The following BCAS3 variants were observed in gnomAD, a reference collection of about 807,000 sequenced individuals.
The protein encoded by BCAS3 is BCAS3 microtubule associated cell migration factor.
Under a neutral mutation model 116.1 loss-of-function variants are expected in BCAS3, and 53 were observed. That is an observed-to-expected ratio of 0.46 (90% CI 0.37 to 0.57). The LOEUF (loss-of-function observed/expected upper bound fraction) is 0.57. Among genes scored for constraint, BCAS3 ranks in the 20% least tolerant of loss-of-function variants. The pLI, the probability that BCAS3 is intolerant of heterozygous loss-of-function variation, is 0.00. For synonymous variants in BCAS3, 391 were observed against 408.2 expected (o/e 0.96, Z 0.51); for missense variants, 917 against 1,165.4 (o/e 0.79, Z 3.10).
At chr17:60,983,772 T>C (rs1006596515) in intron 14 of BCAS3, among the ~76,000 whole-genome samples, 2 of 152,216 alleles carry the variant, frequency 1.3e-5, no homozygotes, top group Non-Finnish European at 2.9e-5. Flanking sequence ...GAACATAAAT[T>C]GCTCAATGAT....
Position 60,802,299 on chromosome 17 carries a change from T to A in BCAS3, c.404-5705T>A, listed in dbSNP as rs866127803. On this transcript the variant is annotated intron_variant, in intron 6 of 23. Transcript: ENST00000407086. ...ACTCTGTCTCAAAAAAAAAAAAATA[T>A]ATATATATATATATATATGCACACA... 8.3e-3 allele frequency among the ~76,000 whole-genome samples: 1,039 copies of A among 125,772 alleles called. 3 individuals carry two copies. Among genetic ancestry groups the A allele is most frequent in the East Asian group, 0.016 (79 of 4,900 alleles). 82.5% of individuals were successfully genotyped at this position (125,772 alleles called of 152,430 possible). A position where few individuals can be genotyped will look rare whatever the true frequency, so the allele number is the denominator to read the frequency against.
chr17:61,335,446 A>G (rs2056644814), intron 22 of BCAS3, among the ~76,000 whole-genome samples: 1 of 152,192 alleles, frequency 6.6e-6, no homozygotes, highest in African/African-American at 2.4e-5. Flanking sequence ...CTCAGCAATG[A>G]CGCCAAGATG....
At chr17:61,169,638 CAGAA>C (rs1294634282) in intron 22 of BCAS3, among the ~76,000 whole-genome samples, 2 of 152,106 alleles carry the variant, frequency 1.3e-5, no homozygotes, top group East Asian at 1.9e-4. Context: ...TATAAATAAA[CAGAA>C]AGTCAGAAAA....
chr17:61,044,243 C>T (rs1405681282), intron 19 of BCAS3, among the ~76,000 whole-genome samples: 5 of 151,550 alleles, frequency 3.3e-5, no homozygotes, highest in African/African-American at 9.7e-5. Context: ...TTCAGGAGAT[C>T]GAGACCATCC....
At chr17:61,255,717 C>T (rs534753746) in intron 22 of BCAS3, among the ~76,000 whole-genome samples, 15 of 152,314 alleles carry the variant, frequency 9.8e-5, no homozygotes, top group African/African-American at 3.6e-4. Context: ...TTCATTTGAC[C>T]ACACTGTGCA....
Position 61,105,446 on chromosome 17 carries a change from C to T in BCAS3, c.2425+20882C>T, listed in dbSNP as rs994717421. On this transcript the variant is annotated intron_variant, in intron 22 of 23. Coordinates refer to ENST00000407086, the MANE Select transcript of BCAS3 (RefSeq NM_017679.5). This position sits in a 1 kb window ranked among gnomAD's most constrained non-coding sequence, Gnocchi z 4.3. ...CAGAATTTTTTTTATTTTTTTGAGA[C>T]AGAGTTTCGCTCTTGTTGCCCAGGC... Among the ~76,000 whole-genome samples, 1 of 152,062 alleles carries T rather than the reference C, an allele frequency of 6.6e-6. No individual in the cohort carries two copies. The highest frequency in any genetic ancestry group is 2.4e-5 in the African/African-American group (1 of 41,412).
At chr17:61,069,439 C>T (rs1332215384) in intron 19 of BCAS3, among the ~76,000 whole-genome samples, 1 of 152,162 alleles carries the variant, frequency 6.6e-6, no homozygotes, top group Non-Finnish European at 1.5e-5. Context: ...GTTGAGTGCA[C>T]AGATTTTTAA....
chr17:61,368,874 G>A lies in BCAS3; in HGVS notation c.2593+380G>A, dbSNP rs1349418158. ...ACTTAGAGATTGGCAAGTCTCAGTA[G>A]GGCCTGCCAACCTGAGCGGAGTAAG... On this transcript the variant is annotated intron_variant, in intron 23 of 23. Transcript: ENST00000407086. This position sits in a 1 kb window ranked among gnomAD's most constrained non-coding sequence, Gnocchi z 6.0. Among the ~76,000 whole-genome samples the A allele has an allele frequency of 6.6e-6, 1 of 152,196 alleles. No homozygotes were observed. The highest frequency in any genetic ancestry group is 2.4e-5 in the African/African-American group (1 of 41,462).
At chr17:60,785,152 A>G (rs1459591587) in intron 6 of BCAS3, among the ~76,000 whole-genome samples, 1 of 152,052 alleles carries the variant, frequency 6.6e-6, no homozygotes, top group Non-Finnish European at 1.5e-5. Flanking sequence ...AGGAGTTTTT[A>G]CTTTTTTTCT....
intron 22 of BCAS3, among the ~76,000 whole-genome samples, chr17:61,166,566 T>C (rs1389918156): frequency 6.6e-6 from 1 of 151,876 alleles, no homozygotes; most frequent in Non-Finnish European, 1.5e-5. Flanking sequence ...CCTGGCTGAT[T>C]TTTGTGTTTT....
chr17:60,868,690 A>AT lies in BCAS3; in HGVS notation c.584+13dup, dbSNP rs2054844443. 1 of 1,535,928 alleles carries AT rather than the reference A, an allele frequency of 6.5e-7. No individual in the cohort carries two copies. ...ATCTCCATTGCAATAAACGGTAAGG[A>AT]TTTTTTCATGGGTTTCTTGTGTAAA... On this transcript the variant is annotated splice_region_variant and intron_variant, in intron 8 of 23. Coordinates refer to ENST00000407086, the MANE Select transcript of BCAS3 (RefSeq NM_017679.5).
rs560524255 is a variant in BCAS3, at chr17:61,285,857, C to T, written c.2426-82470C>T. Among the ~76,000 whole-genome samples, 57 of 152,212 alleles carry T rather than the reference C, an allele frequency of 3.7e-4. No individual in the cohort carries two copies. The highest frequency in any genetic ancestry group is 1.3e-3 in the African/African-American group (54 of 41,532). ...TCCCATCTCCAGTCCCTACTTTAGG[C>T]GAATCAGCTTTAGTCCTCTAAATTC... is the stretch of plus-strand genomic sequence containing the variant. On this transcript the variant is annotated intron_variant, in intron 22 of 23. Coordinates refer to ENST00000407086, the MANE Select transcript of BCAS3 (RefSeq NM_017679.5). This position sits in a 1 kb window ranked among gnomAD's most constrained non-coding sequence, Gnocchi z 5.4.
At chr17:61,003,893 G>A (rs2145487805) in intron 15 of BCAS3, 1 of 152,218 alleles carries the variant, frequency 6.6e-6, no homozygotes, top group Non-Finnish European at 1.5e-5. Context: ...CTATCAGGTA[G>A]GAATGCCATT....
At chr17:60,772,589 C>T (rs1281461859) in intron 6 of BCAS3, among the ~76,000 whole-genome samples, 1 of 152,068 alleles carries the variant, frequency 6.6e-6, no homozygotes. Context: ...TTTAAAAAGG[C>T]TTAACATAGG....
At chr17:61,294,662 T>A (rs1602478781) in intron 22 of BCAS3, among the ~76,000 whole-genome samples, 1 of 152,312 alleles carries the variant, frequency 6.6e-6, no homozygotes, top group Non-Finnish European at 1.5e-5. Context: ...CCTCATTGAG[T>A]ACTCTTCTGT....
Position 61,077,385 on chromosome 17 carries a change from C to T in BCAS3, c.2131-948C>T, listed in dbSNP as rs531410700. Among the ~76,000 whole-genome samples the T allele has an allele frequency of 6.6e-6, 1 of 152,132 alleles. No individual in the cohort carries two copies. The highest frequency in any genetic ancestry group is 6.5e-5 in the Admixed American group (1 of 15,284). ...ACAAAAAATTAGCCGGGCGTGGTGG[C>T]GGGCGCCTGTAGTCCCAGCTACTGG... On this transcript the variant is annotated intron_variant, in intron 20 of 23. Coordinates refer to ENST00000407086, the MANE Select transcript of BCAS3 (RefSeq NM_017679.5). The surrounding 1 kb of genome is among the most constrained non-coding windows in gnomAD (Gnocchi z 4.3).
intron 7 of BCAS3, among the ~76,000 whole-genome samples, chr17:60,842,059 A>G (rs1178457607): frequency 4.6e-5 from 7 of 152,042 alleles, no homozygotes; most frequent in African/African-American, 1.4e-4. Flanking sequence ...AGATTTATAT[A>G]CTCGTTTTTA....
intron 22 of BCAS3, among the ~76,000 whole-genome samples, chr17:61,320,020 G>A (rs2055072767): frequency 6.6e-6 from 1 of 151,644 alleles, no homozygotes; most frequent in South Asian, 2.1e-4. Context: ...CTCCCGAGCA[G>A]CTGGGATTAC....
intron 22 of BCAS3, among the ~76,000 whole-genome samples, chr17:61,291,353 A>G (rs1016972233): frequency 6.6e-6 from 1 of 152,224 alleles, no homozygotes; most frequent in Non-Finnish European, 1.5e-5. Context: ...AAACATTACT[A>G]TACTTGATGT....
Sources: allele counts gnomAD v4.1 joint callset (sites outside exome capture counted in the v4.1 genomes callset), GRCh38; gene constraint gnomAD v4.1.1; non-coding constraint Gnocchi (gnomAD v3.1); transcripts MANE v1.5; gene names NCBI Gene and HGNC (gene_info 2026-07-23, HGNC 2026-07-21).